The following ADGRB1 variants were observed in gnomAD, a reference collection of about 807,000 sequenced individuals.
The protein encoded by ADGRB1 is brain-specific angiogenesis inhibitor 1.
Under a neutral mutation model 175.7 loss-of-function variants are expected in ADGRB1, and 36 were observed. The ratio of observed to expected loss-of-function variants is 0.20; its 90% CI spans 0.16 to 0.27. The LOEUF is 0.27. Among genes scored for constraint, ADGRB1 ranks in the 10% least tolerant of loss-of-function variants. The pLI is 1.00. For missense variants in ADGRB1, 1,731 were observed against 2,255.3 expected (o/e 0.77, Z 4.71); for synonymous variants, 1,054 against 979.4 (o/e 1.08, Z -1.42).
chr8:142,533,993 G>A (rs1401276331), intron 25 of ADGRB1, among the ~76,000 whole-genome samples: 3 of 152,228 alleles, frequency 2.0e-5, no homozygotes, highest in Admixed American at 6.5e-5. Context: ...CCAGATCAGC[G>A]CCAGGAGGGC....
At position 142,477,241 on chromosome 8, in the gene ADGRB1, C is replaced by A; in HGVS notation, c.1185C>A (p.Arg395=). 1 of 1,593,752 alleles carries A rather than the reference C, an allele frequency of 6.3e-7. No homozygotes were observed. The change falls in exon 5 of 31, where the codon CGC becomes CGA. Residue 395 remains arginine (R), a synonymous_variant. Transcript: ENST00000517894. ...GCACGCAGTGCAGCGGACCCCTGCG[C>A]GAGCAGCGGCTGTGCAACAACTCTG... ...SYSTQCSGPL[R]EQRLCNNSAV... is the part of the protein sequence containing the mutation.
intron 17 of ADGRB1, among the ~76,000 whole-genome samples, chr8:142,502,660 T>G (rs115489615): frequency 2.2e-4 from 5 of 22,982 alleles, no homozygotes; most frequent in South Asian, 1.3e-3. Context: ...GTGGTGATGG[T>G]GATGGTGGTA....
chr8:142,457,734 G>A (rs1839758359), intron 1 of ADGRB1, among the ~76,000 whole-genome samples: 2 of 152,264 alleles, frequency 1.3e-5, no homozygotes, highest in Middle Eastern at 3.4e-3. Flanking sequence ...CCTGTCGGGG[G>A]GAGGCTATCT....
intron 17 of ADGRB1, among the ~76,000 whole-genome samples, chr8:142,498,968 T>C (rs1842355729): frequency 6.6e-6 from 1 of 152,110 alleles, no homozygotes; most frequent in Non-Finnish European, 1.5e-5. Flanking sequence ...TCTCCCTCTC[T>C]TGGGAGCTTG....
At chr8:142,499,322 T>C (rs1012374752) in intron 17 of ADGRB1, among the ~76,000 whole-genome samples, 7 of 152,196 alleles carry the variant, frequency 4.6e-5, no homozygotes, top group African/African-American at 1.7e-4. Context: ...GCTGTGAGTA[T>C]TACGGAACGA....
At chr8:142,481,199 G>C in intron 9 of ADGRB1, 55 bp from the exon 10 acceptor site, 1 of 1,524,320 alleles carries the variant, frequency 6.6e-7, no homozygotes, top group Non-Finnish European at 9.1e-7. Context: ...GGCCAAGGGT[G>C]GGATTCCTGG....
intron 18 of ADGRB1, 141 bp from the exon 19 acceptor site, chr8:142,517,997 G>C: frequency 1.5e-6 from 1 of 669,458 alleles, no homozygotes; most frequent in East Asian, 2.7e-5. Flanking sequence ...TGCAGGGGGC[G>C]GGTGGGGAGG....
chr8:142,469,073 C>T (rs1007571976), intron 2 of ADGRB1, among the ~76,000 whole-genome samples: 18 of 152,394 alleles, frequency 1.2e-4, no homozygotes, highest in African/African-American at 3.1e-4. Context: ...AGCCCCTTGA[C>T]GCTGCCATCG....
At chr8:142,459,145 G>A (rs1286433628) in intron 1 of ADGRB1, among the ~76,000 whole-genome samples, 5 of 152,212 alleles carry the variant, frequency 3.3e-5, no homozygotes, top group African/African-American at 7.2e-5. Flanking sequence ...GGGTCAGCCC[G>A]GCCTCAACCT....
At chr8:142,541,112 G>C (rs1845246550) in intron 27 of ADGRB1, among the ~76,000 whole-genome samples, 1 of 152,062 alleles carries the variant, frequency 6.6e-6, no homozygotes, top group South Asian at 2.1e-4. Flanking sequence ...GGCAGGCCAG[G>C]CTTCCCAGGA....
chr8:142,515,685 C>G (rs1285495665), intron 18 of ADGRB1, among the ~76,000 whole-genome samples: 1 of 152,116 alleles, frequency 6.6e-6, no homozygotes, highest in Non-Finnish European at 1.5e-5. Context: ...GACCTCAGCT[C>G]TGCGCTGGTA....
intron 2 of ADGRB1, among the ~76,000 whole-genome samples, chr8:142,465,294 T>C (rs917474834): frequency 3.3e-5 from 5 of 152,304 alleles, no homozygotes; most frequent in Non-Finnish European, 5.9e-5. Flanking sequence ...TGGTTGAGCA[T>C]TGAAGGCCTA....
chr8:142,536,608 G>A (rs1489819417), intron 25 of ADGRB1, among the ~76,000 whole-genome samples: 1 of 152,162 alleles, frequency 6.6e-6, no homozygotes, highest in Non-Finnish European at 1.5e-5. Context: ...CTGGCTCAGA[G>A]GAGGCAACGA....
intron 1 of ADGRB1, among the ~76,000 whole-genome samples, chr8:142,459,701 C>T (rs571492614): frequency 5.9e-5 from 9 of 152,214 alleles, no homozygotes; most frequent in Non-Finnish European, 7.4e-5. Flanking sequence ...CACATATGCA[C>T]GGGCACACAC....
In ADGRB1 at chr8:142,493,988, C is replaced by T. The variant is rs1842101310; in HGVS notation, c.2675+3173C>T. Among the ~76,000 whole-genome samples, 2 of 152,136 alleles carry T rather than the reference C, an allele frequency of 1.3e-5. No homozygotes were observed. The highest frequency in any genetic ancestry group is 2.4e-5 in the African/African-American group (1 of 41,408). On this transcript the variant is annotated intron_variant, in intron 17 of 30. Coordinates refer to ENST00000517894, the MANE Select transcript of ADGRB1 (RefSeq NM_001702.3). This position sits in a 1 kb window ranked among gnomAD's most constrained non-coding sequence, Gnocchi z 5.0. ...TGTTTCCACCAGGGCACCAAGGGAC[C>T]GGGTCCAAGCTGGTGTGGGCCTGTG...
Position 142,522,051 on chromosome 8 carries a change from C to T in ADGRB1, c.3111C>T (p.Tyr1037=). 2 of 1,613,112 alleles carry T rather than the reference C, an allele frequency of 1.2e-6. No individual in the cohort carries two copies. The highest frequency in any genetic ancestry group is 1.7e-6 in the Non-Finnish European group (2 of 1,179,696). ...CWVLTEAWQS[Y]MAVTGHLRNR... ...TGCTCACCGAGGCCTGGCAGTCCTA[C>T]ATGGCGGTGACGGGCCACCTCCGGA... is the stretch of plus-strand genomic sequence containing the variant. Residue 1037 remains tyrosine (Y), a synonymous_variant, in exon 21 of 31, where the codon TAC becomes TAT. Transcript: ENST00000517894.
intron 25 of ADGRB1, among the ~76,000 whole-genome samples, chr8:142,534,624 T>C (rs1587435277): frequency 6.6e-6 from 1 of 152,078 alleles, no homozygotes; most frequent in Non-Finnish European, 1.5e-5. Flanking sequence ...CCTGTACCAG[T>C]CAACCACCAG....
intron 1 of ADGRB1, among the ~76,000 whole-genome samples, chr8:142,461,026 G>C (rs1383674583): frequency 2.0e-5 from 3 of 152,236 alleles, no homozygotes; most frequent in Non-Finnish European, 2.9e-5. Context: ...TGGTGACAAT[G>C]AGGGGCGACC....
At chr8:142,467,704 G>A (rs1039798262) in intron 2 of ADGRB1, among the ~76,000 whole-genome samples, 2 of 152,192 alleles carry the variant, frequency 1.3e-5, no homozygotes, top group Non-Finnish European at 2.9e-5. Context: ...GAGCCCCAGG[G>A]CCTGGGTTCA....
Sources: allele counts gnomAD v4.1 joint callset (sites outside exome capture counted in the v4.1 genomes callset), GRCh38; gene constraint gnomAD v4.1.1; non-coding constraint Gnocchi (gnomAD v3.1); transcripts MANE v1.5; gene names NCBI Gene and HGNC (gene_info 2026-07-23, HGNC 2026-07-21).